RNF212: variants seen among roughly 807,000 people sequenced by gnomAD.
The protein encoded by RNF212 is probable E3 SUMO-protein ligase RNF212.
RNF212 carries 33 observed loss-of-function variants against 34.7 expected under a neutral mutation model. The observed-to-expected ratio is 0.95, with a 90% CI of 0.72 to 1.27. The LOEUF (loss-of-function observed/expected upper bound fraction) is 1.27, where lower values mean the gene tolerates loss of function less well. RNF212 is among the 50% of genes most tolerant of loss of function. RNF212 has a pLI of 0.00. For synonymous variants in RNF212, 140 were observed against 136.1 expected, an observed-to-expected ratio of 1.03 and a Z score of -0.20; for missense variants, 377 against 362.2, an observed-to-expected ratio of 1.04 and a Z score of -0.33.
chr4:1,059,746 A>G (rs1319041361), intron 3 of RNF212, among the ~76,000 whole-genome samples: 2 of 152,236 alleles, frequency 1.3e-5, no homozygotes, highest in African/African-American at 4.8e-5. Flanking sequence ...ACCACAAATA[A>G]TAACGATGGC....
chr4:1,112,779 G>A (rs1725916583), intron 1 of RNF212, among the ~76,000 whole-genome samples: 1 of 92,464 alleles, frequency 1.1e-5, no homozygotes, highest in African/African-American at 4.3e-5. Flanking sequence ...CTCCTCCCCT[G>A]GCGTCTCCCC....
chr4:1,100,160 C>T, intron 2 of RNF212: 1 of 329,924 alleles, frequency 3.0e-6, no homozygotes, highest in Non-Finnish European at 6.0e-6. Flanking sequence ...CCTGTGTGGA[C>T]TTTGCACGGT....
At chr4:1,064,605 G>A (rs562102062) in intron 3 of RNF212, among the ~76,000 whole-genome samples, 29 of 152,218 alleles carry the variant, frequency 1.9e-4, no homozygotes, top group Non-Finnish European at 2.9e-4. Flanking sequence ...TGCAGAGTTA[G>A]TAAGCAAGCT....
At chr4:1,100,192 C>G in intron 2 of RNF212, 1 of 304,860 alleles carries the variant, frequency 3.3e-6, no homozygotes, top group Non-Finnish European at 6.4e-6. Flanking sequence ...ACCAGGCTTA[C>G]TGCTTTCCCG....
At chr4:1,094,298 C>G (rs1428881605) in intron 3 of RNF212, among the ~76,000 whole-genome samples, 1 of 152,146 alleles carries the variant, frequency 6.6e-6, no homozygotes, top group Non-Finnish European at 1.5e-5. Flanking sequence ...TGGCAGCTTT[C>G]CCCCAGACTG....
intron 8 of RNF212, among the ~76,000 whole-genome samples, chr4:1,074,078 G>C (rs1045553208): frequency 1.3e-5 from 2 of 152,316 alleles, no homozygotes; most frequent in South Asian, 4.1e-4. Flanking sequence ...GCTGCTCAGA[G>C]CTGTGTGTGC....
At chr4:1,105,543 T>C (rs542394030) in intron 2 of RNF212, among the ~76,000 whole-genome samples, 22 of 152,384 alleles carry the variant, frequency 1.4e-4, no homozygotes, top group Admixed American at 1.2e-3. Flanking sequence ...TTTTACATGG[T>C]AGTGTCTGTC....
At chr4:1,084,823 A>AAC (rs1056932832) in intron 5 of RNF212, among the ~76,000 whole-genome samples, 35 of 151,962 alleles carry the variant, frequency 2.3e-4, no homozygotes, top group African/African-American at 8.5e-4. Flanking sequence ...TGATGCCTGG[A>AAC]ACACACCCTT....
downstream of RNF212, among the ~76,000 whole-genome samples, chr4:1,069,643 C>T (rs1169624630): frequency 1.3e-5 from 2 of 152,226 alleles, no homozygotes; most frequent in African/African-American, 4.8e-5. Flanking sequence ...CAGAACAGGT[C>T]ACCTCTGTGC....
intron 2 of RNF212, among the ~76,000 whole-genome samples, chr4:1,105,460 A>G (rs1025606339): frequency 6.6e-6 from 1 of 152,262 alleles, no homozygotes; most frequent in African/African-American, 2.4e-5. Flanking sequence ...CAATATATAA[A>G]GATATCTCAG....
intron 8 of RNF212, among the ~76,000 whole-genome samples, chr4:1,078,721 A>G (rs187007397): frequency 6.6e-6 from 1 of 152,370 alleles, no homozygotes; most frequent in African/African-American, 2.4e-5. Flanking sequence ...CACGGGACCA[A>G]CATGGGACCA....
chr4:1,079,727 G>C (rs1470857678), intron 7 of RNF212, 39 bp from the exon 8 acceptor site: 1 of 1,447,966 alleles, frequency 6.9e-7, no homozygotes. Context: ...GTGAGCCCAG[G>C]ACTTACCTCT....
At chr4:1,093,750 A>G in intron 3 of RNF212, 1 of 1,536,252 alleles carries the variant, frequency 6.5e-7, no homozygotes, top group Non-Finnish European at 8.7e-7. Flanking sequence ...TTCTGGCCCC[A>G]AGGGGACTTG....
chr4:1,064,112 A>G (rs1717931575), intron 3 of RNF212, among the ~76,000 whole-genome samples: 1 of 152,224 alleles, frequency 6.6e-6, no homozygotes, highest in Non-Finnish European at 1.5e-5. Flanking sequence ...GATGGAATAA[A>G]AGATTTTTTT....
chr4:1,083,058 G>A (rs1163548184), intron 5 of RNF212, among the ~76,000 whole-genome samples: 1 of 152,214 alleles, frequency 6.6e-6, no homozygotes, highest in African/African-American at 2.4e-5. Flanking sequence ...GGCTGGCAGA[G>A]CACATGGGAA....
intron 5 of RNF212, chr4:1,081,824 A>G: frequency 1.8e-6 from 1 of 564,508 alleles, no homozygotes; most frequent in Non-Finnish European, 3.2e-6. Flanking sequence ...AGCCAAGTGA[A>G]CTCAACACCC....
downstream of RNF212, among the ~76,000 whole-genome samples, chr4:1,068,953 A>G (rs971002881): frequency 3.3e-5 from 5 of 152,252 alleles, no homozygotes; most frequent in African/African-American, 9.6e-5. Flanking sequence ...CACACCTGCA[A>G]TCCTAGCACT....
intron 3 of RNF212, among the ~76,000 whole-genome samples, chr4:1,091,952 C>A (rs1185364825): frequency 6.6e-6 from 1 of 152,240 alleles, no homozygotes. Flanking sequence ...GTTGCCCTGA[C>A]CCCAGCTCTT....
At chr4:1,098,983 G>C (rs1723492474) in intron 2 of RNF212, among the ~76,000 whole-genome samples, 1 of 152,156 alleles carries the variant, frequency 6.6e-6, no homozygotes, top group Admixed American at 6.5e-5. Flanking sequence ...GGGTGAGGGG[G>C]ACTGAGTCAT....
Sources: gnomAD v4.1 joint callset for allele counts (sites outside exome capture counted in the v4.1 genomes callset) on GRCh38, gnomAD v4.1.1 for gene constraint, MANE v1.5 for transcripts, NCBI Gene and HGNC (gene_info 2026-07-23, HGNC 2026-07-21) for gene names.